Variants in GNA14 observed in about 807,000 individuals in gnomAD.
GNA14 encodes the protein G protein subunit alpha 14.
A neutral mutation model predicts 42.0 loss-of-function variants in GNA14; 50 were observed. The ratio of observed to expected loss-of-function variants is 1.19; its 90% CI spans 0.95 to 1.51. The LOEUF (loss-of-function observed/expected upper bound fraction) is 1.51. GNA14 is among the 40% of genes most tolerant of loss of function. The pLI is 0.00. For missense variants in GNA14, 473 were observed against 446.2 expected (o/e 1.06, Z -0.54); for synonymous variants, 173 against 163.1 (o/e 1.06, Z -0.46).
intron 1 of GNA14, among the ~76,000 whole-genome samples, chr9:77,582,025 C>T (rs1823233254): frequency 6.6e-6 from 1 of 152,242 alleles, no homozygotes; most frequent in South Asian, 2.1e-4. Context: ...CTCATAAACA[C>T]CCTGGGCTCC....
intron 2 of GNA14, among the ~76,000 whole-genome samples, chr9:77,488,782 A>AT (rs1169849771): frequency 9.2e-6 from 1 of 109,052 alleles, no homozygotes; most frequent in African/African-American, 3.6e-5. Context: ...AACACACCTA[A>AT]TTAAAAAAAA....
At chr9:77,553,845 C>CAGT (rs1230111108) in intron 1 of GNA14, among the ~76,000 whole-genome samples, 1 of 152,072 alleles carries the variant, frequency 6.6e-6, no homozygotes, top group Non-Finnish European at 1.5e-5. Context: ...AAAGTAATCA[C>CAGT]AGTGTGATCC....
chr9:77,557,661 G>A (rs1332188683), intron 1 of GNA14, among the ~76,000 whole-genome samples: 1 of 152,174 alleles, frequency 6.6e-6, no homozygotes, highest in African/African-American at 2.4e-5. Context: ...GTGTAAAGCT[G>A]TTCTGCTCCA....
At chr9:77,630,009 T>C (rs187489594) in intron 1 of GNA14, among the ~76,000 whole-genome samples, 4 of 152,314 alleles carry the variant, frequency 2.6e-5, no homozygotes, top group African/African-American at 9.6e-5. Flanking sequence ...GATTAGTTTA[T>C]GATTTAACAG....
chr9:77,587,153 T>C (rs1260410234), intron 1 of GNA14, among the ~76,000 whole-genome samples: 1 of 152,070 alleles, frequency 6.6e-6, no homozygotes, highest in African/African-American at 2.4e-5. Context: ...CAAGTGTTGA[T>C]GAGGATGTGG....
intron 5 of GNA14, among the ~76,000 whole-genome samples, chr9:77,428,136 T>TG (rs1469099968): frequency 1.4e-5 from 2 of 146,098 alleles, no homozygotes; most frequent in Non-Finnish European, 3.0e-5. Context: ...TGGAGTGCAG[T>TG]GGTGCGATCT....
intron 1 of GNA14, among the ~76,000 whole-genome samples, chr9:77,567,607 C>A (rs562528193): frequency 2.0e-5 from 3 of 152,336 alleles, no homozygotes; most frequent in African/African-American, 7.2e-5. Context: ...TGGCTCACGC[C>A]TGTAATCCCA....
intron 1 of GNA14, among the ~76,000 whole-genome samples, chr9:77,605,406 G>T (rs1428094244): frequency 6.6e-6 from 1 of 150,612 alleles, no homozygotes; most frequent in African/African-American, 2.5e-5. Flanking sequence ...ATGGCACATT[G>T]GCATTTGAGA....
intron 2 of GNA14, among the ~76,000 whole-genome samples, chr9:77,441,559 G>A (rs567525340): frequency 2.6e-5 from 4 of 152,284 alleles, no homozygotes; most frequent in Admixed American, 2.0e-4. Flanking sequence ...CTACTGTGAT[G>A]TGCAAGCTTT....
chr9:77,623,336 G>T (rs1587851957), intron 1 of GNA14, among the ~76,000 whole-genome samples: 1 of 148,984 alleles, frequency 6.7e-6, no homozygotes, highest in South Asian at 2.2e-4. Context: ...AAGAAAATGT[G>T]TGAACTTGAA....
chr9:77,478,480 A>G (rs1836476607), intron 2 of GNA14, among the ~76,000 whole-genome samples: 2 of 152,158 alleles, frequency 1.3e-5, no homozygotes, highest in Non-Finnish European at 2.9e-5. Flanking sequence ...TAGTGCCGCA[A>G]TAAACATACA....
At chr9:77,538,712 G>C (rs1170502191) in intron 1 of GNA14, among the ~76,000 whole-genome samples, 2 of 151,866 alleles carry the variant, frequency 1.3e-5, no homozygotes, top group African/African-American at 4.8e-5. Flanking sequence ...TTGCTTTCTT[G>C]ATTTCTTTTT....
In GNA14 at chr9:77,580,345, T is replaced by C. The variant is rs114099348; in HGVS notation, c.125-51092A>G. 1,570 of 343,678 alleles carry C rather than the reference T, an allele frequency of 4.6e-3. 26 individuals carry two copies. Among genetic ancestry groups the C allele is most frequent in the African/African-American group, 0.03 (1,398 of 46,872 alleles). The allele number at this position is 343,678 out of a possible 1,614,324, so 21.3% of individuals were successfully genotyped here. A position where few individuals can be genotyped will look rare whatever the true frequency, so the allele number is the denominator to read the frequency against. ...ACAACCCGAATAGGTACAATTTACA[T>C]TGACGCGTCATGCCTTAGGTGGGAA... On this transcript the variant is annotated intron_variant, in intron 1 of 6. Coordinates refer to ENST00000341700, the MANE Select transcript of GNA14 (RefSeq NM_004297.4).
chr9:77,551,937 C>T (rs992440009), intron 1 of GNA14, among the ~76,000 whole-genome samples: 1 of 151,442 alleles, frequency 6.6e-6, no homozygotes, highest in Admixed American at 6.6e-5. Flanking sequence ...GTCAGGAGTT[C>T]GAGACCAGCC....
intron 2 of GNA14, among the ~76,000 whole-genome samples, chr9:77,475,062 G>A (rs1176291786): frequency 6.9e-6 from 1 of 144,034 alleles, no homozygotes; most frequent in Non-Finnish European, 1.5e-5. Flanking sequence ...ATAAAATTTT[G>A]TGATCCACAC....
rs1010731432 is a variant in GNA14, at chr9:77,647,996, C to T, written c.-203G>A. 3 of 587,382 alleles carry T rather than the reference C, an allele frequency of 5.1e-6. No homozygotes were observed. The highest frequency in any genetic ancestry group is 8.6e-6 in the Non-Finnish European group (3 of 346,836). 36.4% of individuals were successfully genotyped at this position (587,382 alleles called of 1,614,324 possible). On this transcript the variant is annotated 5_prime_UTR_variant, in exon 1 of 7. Transcript: ENST00000341700. ...GTCGGCTCTGAGGCGGGGTGAATGC[C>T]GAGCGCTGGGAACGCTCGAGTGCAC...
At chr9:77,626,475 G>T (rs577283264) in intron 1 of GNA14, among the ~76,000 whole-genome samples, 1 of 151,956 alleles carries the variant, frequency 6.6e-6, no homozygotes. Context: ...AAAATTGACC[G>T]CATCATTGGA....
At chr9:77,535,888 T>G (rs1564047046) in intron 1 of GNA14, among the ~76,000 whole-genome samples, 1 of 37,696 alleles carries the variant, frequency 2.7e-5, no homozygotes, top group Non-Finnish European at 5.4e-5. Context: ...AGTTTAGTTG[T>G]TTTGTTTTTT....
chr9:77,618,203 T>C (rs1032413367), intron 1 of GNA14, among the ~76,000 whole-genome samples: 2 of 152,138 alleles, frequency 1.3e-5, no homozygotes, highest in African/African-American at 2.4e-5. Flanking sequence ...TCTTCTCTCA[T>C]AGCACACATT....
Sources: allele counts gnomAD v4.1 joint callset (sites outside exome capture counted in the v4.1 genomes callset), GRCh38; gene constraint gnomAD v4.1.1; transcripts MANE v1.5; gene names NCBI Gene and HGNC (gene_info 2026-07-23, HGNC 2026-07-21).